The following LPIN1 variants were observed in gnomAD, a reference collection of about 807,000 sequenced individuals.
LPIN1 encodes phosphatidate phosphatase LPIN1.
In LPIN1, 71 loss-of-function variants were observed where a neutral mutation model predicts 107.5. The observed-to-expected ratio is 0.66, with a 90% CI of 0.55 to 0.80. The LOEUF is 0.80. Ranked by LOEUF, LPIN1 falls within the 30% of genes least tolerant of loss-of-function variation. The pLI, the probability that LPIN1 is intolerant of heterozygous loss-of-function variation, is 0.00. For missense variants in LPIN1, 1,043 were observed against 1,160.6 expected, an observed-to-expected ratio of 0.90 and a Z score of 1.47; for synonymous variants, 445 against 452.6, an observed-to-expected ratio of 0.98 and a Z score of 0.21.
intron 2 of LPIN1, among the ~76,000 whole-genome samples, chr2:11,714,115 T>G (rs1276048130): frequency 6.6e-5 from 10 of 152,224 alleles, no homozygotes; most frequent in Non-Finnish European, 1.5e-5. Flanking sequence ...GGCTCCCCAG[T>G]GCCAAGAGGA....
chr2:11,801,535 T>C (rs565574362), intron 14 of LPIN1, among the ~76,000 whole-genome samples: 4 of 152,284 alleles, frequency 2.6e-5, no homozygotes, highest in South Asian at 4.1e-4. Flanking sequence ...CTTACTCATA[T>C]GTGGGAGCTA....
chr2:11,805,397 T>A (rs1678499281), intron 17 of LPIN1: 1 of 600,992 alleles, frequency 1.7e-6, no homozygotes, highest in African/African-American at 1.8e-5. Flanking sequence ...AATTGATTAC[T>A]AGGAGAACAC....
At chr2:11,784,618 G>A (rs1453279503) in intron 9 of LPIN1, 2 of 533,966 alleles carry the variant, frequency 3.7e-6, no homozygotes, top group Non-Finnish European at 6.7e-6. Context: ...GGAAGGGCAG[G>A]GAACAGGGAG....
intron 20 of LPIN1, among the ~76,000 whole-genome samples, chr2:11,821,797 T>C (rs1681570963): frequency 6.6e-6 from 1 of 152,194 alleles, no homozygotes; most frequent in African/African-American, 2.4e-5. Flanking sequence ...CCTCTCACCC[T>C]GCAGTCATGC....
intron 17 of LPIN1, among the ~76,000 whole-genome samples, chr2:11,811,038 C>T (rs894785584): frequency 6.6e-6 from 1 of 152,060 alleles, no homozygotes; most frequent in Admixed American, 6.5e-5. Context: ...ATGTGTGTAT[C>T]GCACCTTTAT....
rs138043919 is a variant in LPIN1, at chr2:11,718,997, A to G, written c.138+5185A>G. On this transcript the variant is annotated intron_variant, in intron 2 of 21. Coordinates refer to the LPIN1 transcript ENST00000449576. Reference sequence around the variant, plus strand: ...TTTGGTCTGTGATTTGGCAGATTTTATAAATTTCACTTTCTATTGTTATTA... The same window carrying G: ...TTTGGTCTGTGATTTGGCAGATTTTGTAAATTTCACTTTCTATTGTTATTA... Among the ~76,000 whole-genome samples the G allele has an allele frequency of 4.3e-3, 658 of 152,306 alleles. 7 individuals are homozygous for G. Among genetic ancestry groups the G allele is most frequent in the African/African-American group, 0.015 (622 of 41,568 alleles).
chr2:11,728,700 T>G (rs549036809), intron 1 of LPIN1, among the ~76,000 whole-genome samples: 1 of 152,020 alleles, frequency 6.6e-6, no homozygotes, highest in Admixed American at 6.5e-5. Context: ...TTGTGCTATC[T>G]GTTCTTTGTT....
chr2:11,720,869 G>A (rs1358039695), upstream of LPIN1, among the ~76,000 whole-genome samples: 1 of 151,764 alleles, frequency 6.6e-6, no homozygotes, highest in Non-Finnish European at 1.5e-5. Flanking sequence ...GCAGATGTAC[G>A]GTGTCAGGTT....
At chr2:11,818,238 A>C (rs1250822927) in intron 18 of LPIN1, 1 of 152,248 alleles carries the variant, frequency 6.6e-6, no homozygotes, top group African/African-American at 2.4e-5. Context: ...TTGAAATTGC[A>C]GTGAATCTGT....
Position 11,783,100 on chromosome 2 carries a change from G to A in LPIN1, c.1264+593G>A, listed in dbSNP as rs542019928. 1.6e-4 allele frequency among the ~76,000 whole-genome samples: 25 copies of A among 152,270 alleles called. No homozygotes were observed. The South Asian group carries it at 4.1e-3, about 25-fold the overall frequency. Reference sequence around the variant, plus strand: ...CTCCTGGCTGTGTGTTAGTATCAACGATGCCAGGCCTGATCTCCATCCACC... The same window carrying A: ...CTCCTGGCTGTGTGTTAGTATCAACAATGCCAGGCCTGATCTCCATCCACC... On this transcript the variant is annotated intron_variant, in intron 8 of 20. Coordinates refer to ENST00000674199, the MANE Select transcript of LPIN1 (RefSeq NM_001349206.2).
chr2:11,805,525 A>G (rs1010681595), intron 17 of LPIN1: 11 of 342,474 alleles, frequency 3.2e-5, no homozygotes, highest in East Asian at 7.1e-5. Context: ...TTTTCTGTAG[A>G]CTAAAAAGTT....
intron 2 of LPIN1, among the ~76,000 whole-genome samples, chr2:11,766,065 C>A (rs139201271): frequency 6.6e-6 from 1 of 152,248 alleles, no homozygotes; most frequent in East Asian, 1.9e-4. Flanking sequence ...TGAACACTCA[C>A]GTTCTTTGTG....
rs1239005538 is a variant in LPIN1 at position 11,697,665 on chromosome 2, T to G, written c.82-16091T>G. ...TTCATTGGCAGGGTGAGTGGAGAAG[T>G]GCTTGGTGGGCTGGTTTTGCAGCCA... is the stretch of plus-strand genomic sequence containing the variant. On this transcript the variant is annotated intron_variant, in intron 1 of 21. Coordinates refer to the LPIN1 transcript ENST00000449576. The surrounding 1 kb of genome is among the most constrained non-coding windows in gnomAD (Gnocchi z 4.6). Among the ~76,000 whole-genome samples, 1 of 152,146 alleles carries G rather than the reference T, an allele frequency of 6.6e-6. No individual in the cohort carries two copies. Among genetic ancestry groups the G allele is most frequent in the Admixed American group, 6.5e-5 (1 of 15,274 alleles).
In LPIN1 at chr2:11,822,277, CAAAAAAAAA is replaced by C. The variant is rs751514674; in HGVS notation, c.2621+1779_2621+1787del. On this transcript the variant is annotated intron_variant, in intron 20 of 20. Transcript: ENST00000674199. ...GAAACCCTGTCTCTACTAGAAATGCCAAAAAAAAAAAAAAAAAAAAAAAATTAGCCAGGC... is the reference window on the plus strand; with the variant it reads ...GAAACCCTGTCTCTACTAGAAATGCCAAAAAAAAAAAAAAATTAGCCAGGC... 1.8e-4 allele frequency among the ~76,000 whole-genome samples: 14 copies of C among 78,880 alleles called. No individual in the cohort carries two copies. The South Asian group carries it at 2.6e-3, about 15-fold the overall frequency. 51.7% of individuals were successfully genotyped at this position (78,880 alleles called of 152,430 possible).
chr2:11,818,658 T>G (rs1681004225), intron 18 of LPIN1: 1 of 151,846 alleles, frequency 6.6e-6, no homozygotes, highest in African/African-American at 2.4e-5. Context: ...GTATAACTTT[T>G]ATTTATTTTT....
At position 11,819,493 on chromosome 2, in the gene LPIN1, T is replaced by G. The variant is rs1412917667; in HGVS notation, c.2412T>G (p.Ile804Met). 6.2e-7 allele frequency: 1 copy of G among 1,606,850 alleles called. No homozygotes were observed. Among genetic ancestry groups the G allele is most frequent in the Non-Finnish European group, 8.5e-7 (1 of 1,173,316 alleles). The change falls in exon 19 of 21, where the codon ATT becomes ATG. Residue 804 changes from isoleucine (I) to methionine (M), a missense_variant. By Grantham distance (10) the Ile-to-Met change is conservative (BLOSUM62 1). Coordinates refer to ENST00000674199, the MANE Select transcript of LPIN1 (RefSeq NM_001349206.2). Reference protein sequence around the residue: ...SLFSALHREVIEKKPEKFKVQ... With the variant: ...SLFSALHREVMEKKPEKFKVQ... ...TTTATTTGTTTAACAGAGAAGTGATTGAAAAGAAGCCAGAAAAGTTTAAAG... is the reference window on the plus strand; with the variant it reads ...TTTATTTGTTTAACAGAGAAGTGATGGAAAAGAAGCCAGAAAAGTTTAAAG...
At chr2:11,777,978 G>T (rs181324832) in intron 6 of LPIN1, among the ~76,000 whole-genome samples, 11 of 152,216 alleles carry the variant, frequency 7.2e-5, no homozygotes, top group Admixed American at 2.0e-4. Flanking sequence ...GAGGCCCCTC[G>T]CTGGAGGCCA....
intron 14 of LPIN1, among the ~76,000 whole-genome samples, chr2:11,801,070 G>A (rs954504026): frequency 2.6e-5 from 4 of 152,182 alleles, no homozygotes; most frequent in African/African-American, 4.8e-5. Context: ...TCTCACCCCA[G>A]TTAGCATGGC....
upstream of LPIN1, chr2:11,742,066 T>C (rs1304577899): frequency 6.6e-6 from 1 of 152,116 alleles, no homozygotes; most frequent in Non-Finnish European, 1.5e-5. Flanking sequence ...ACGCTGAGGT[T>C]CAGACAGCAC....
Sources: allele counts gnomAD v4.1 joint callset (sites outside exome capture counted in the v4.1 genomes callset), GRCh38; gene constraint gnomAD v4.1.1; non-coding constraint Gnocchi (gnomAD v3.1); transcripts MANE v1.5; gene names NCBI Gene and HGNC (gene_info 2026-07-23, HGNC 2026-07-21).